Variants in CDH10 observed in about 807,000 individuals in gnomAD.
The protein encoded by CDH10 is cadherin-10.
Under a neutral mutation model 73.1 loss-of-function variants are expected in CDH10, and 30 were observed. The observed-to-expected ratio is 0.41, with a 90% CI of 0.31 to 0.56. CDH10 has a LOEUF of 0.56. Ranked by LOEUF, CDH10 falls within the 20% of genes least tolerant of loss-of-function variation. CDH10 has a pLI of 0.27. For synonymous variants in CDH10, 345 were observed against 348.2 expected (o/e 0.99, Z 0.10); for missense variants, 815 against 973.7 (o/e 0.84, Z 2.17).
chr5:24,529,845 G>A (rs1743666643), intron 5 of CDH10, among the ~76,000 whole-genome samples: 1 of 151,760 alleles, frequency 6.6e-6, no homozygotes, highest in Non-Finnish European at 1.5e-5. Context: ...GTGCAATAAT[G>A]TCTGTGAGTC....
chr5:24,578,824 T>C (rs1666739424), intron 2 of CDH10, among the ~76,000 whole-genome samples: 1 of 152,180 alleles, frequency 6.6e-6, no homozygotes, highest in Non-Finnish European at 1.5e-5. Flanking sequence ...ACTGCCTACC[T>C]GATTTTATGT....
intron 1 of CDH10, among the ~76,000 whole-genome samples, chr5:24,609,554 A>G (rs62349628): frequency 0.076 from 11,594 of 152,252 alleles, 606 homozygotes; most frequent in Middle Eastern, 0.14. Flanking sequence ...AGAATATGTT[A>G]AGACAACCAC....
intron 2 of CDH10, among the ~76,000 whole-genome samples, chr5:24,559,892 T>C (rs1196915961): frequency 6.6e-6 from 1 of 152,168 alleles, no homozygotes; most frequent in Non-Finnish European, 1.5e-5. Flanking sequence ...TGGGTTGCTA[T>C]ATGGCTTTTG....
In CDH10 at chr5:24,511,509, T is replaced by C. The variant is rs377179525; in HGVS notation, c.820A>G (p.Ile274Val). ...DNPPRFPQNT[I>V]HLRVLESSPV... Reference sequence around the variant, plus strand: ...GAGGATTCAAGAACTCGAAGATGAATAGTGTCTGTAAAGTATAAAGAAAAG... The same window carrying C: ...GAGGATTCAAGAACTCGAAGATGAACAGTGTCTGTAAAGTATAAAGAAAAG... The change falls in exon 6 of 12, where the codon ATT (isoleucine) becomes GTT (valine). Residue 274 changes from isoleucine to valine, a missense_variant. By Grantham distance (29) the Ile-to-Val change is conservative. Transcript: ENST00000264463. The C allele has an allele frequency of 6.5e-7, 1 of 1,530,484 alleles. No homozygotes were observed. The highest frequency in any genetic ancestry group is 1.4e-5 in the African/African-American group (1 of 71,258). The allele number at this position is 1,530,484 out of a possible 1,614,324, so 94.8% of individuals were successfully genotyped here. A position where few individuals can be genotyped will look rare whatever the true frequency, so the allele number is the denominator to read the frequency against.
chr5:24,630,746 G>A (rs1747676927), intron 1 of CDH10, among the ~76,000 whole-genome samples: 1 of 151,906 alleles, frequency 6.6e-6, no homozygotes, highest in Non-Finnish European at 1.5e-5. Context: ...TCAATATCAT[G>A]AGGCAAATTA....
intron 2 of CDH10, among the ~76,000 whole-genome samples, chr5:24,540,678 T>C (rs939287101): frequency 6.6e-6 from 1 of 151,920 alleles, no homozygotes; most frequent in East Asian, 1.9e-4. Flanking sequence ...AGTTTGATCC[T>C]AAGACGACAG....
chr5:24,604,541 A>C (rs1004866931), intron 1 of CDH10, among the ~76,000 whole-genome samples: 3 of 152,186 alleles, frequency 2.0e-5, no homozygotes, highest in Admixed American at 2.0e-4. Flanking sequence ...AATTAAAAGC[A>C]AAAGTCTCTT....
chr5:24,577,591 G>C (rs1373636814), intron 2 of CDH10, among the ~76,000 whole-genome samples: 1 of 138,654 alleles, frequency 7.2e-6, no homozygotes, highest in East Asian at 2.3e-4. Context: ...TAAGAATATA[G>C]AATTTATAAG....
chr5:24,529,039 C>T (rs557513156), intron 5 of CDH10, among the ~76,000 whole-genome samples: 6 of 151,992 alleles, frequency 3.9e-5, no homozygotes, highest in Admixed American at 1.3e-4. Context: ...CTATCTCATA[C>T]GGATGATGTA....
At chr5:24,566,501 C>CTA (rs1426229541) in intron 2 of CDH10, among the ~76,000 whole-genome samples, 3 of 152,208 alleles carry the variant, frequency 2.0e-5, no homozygotes, top group Non-Finnish European at 2.9e-5. Context: ...ATTGGCCTAG[C>CTA]TATATATATA....
rs1165271262 is a variant in CDH10, at chr5:24,644,564, AGTTAAAAGAAAGAG to A, written c.-124+16_-124+29del. The A allele has an allele frequency of 6.6e-6, 1 of 150,926 alleles. No homozygotes were observed. The highest frequency in any genetic ancestry group is 1.5e-5 in the Non-Finnish European group (1 of 67,836). 9.3% of individuals were successfully genotyped at this position (150,926 alleles called of 1,614,324 possible). A position where few individuals can be genotyped will look rare whatever the true frequency, so the allele number is the denominator to read the frequency against. On this transcript the variant is annotated intron_variant, in intron 1 of 11. Transcript: ENST00000264463. ...GGAGGAATATATAATACCTTAACGG[AGTTAAAAGAAAGAG>A]GTGAAGTCTTCCTACCTTTTTTATC...
rs147118749 is a variant in CDH10 at position 24,492,048 on chromosome 5, A to T, written c.1625-221T>A. On this transcript the variant is annotated intron_variant, in intron 10 of 11. Transcript: ENST00000264463. ...TGTTCATTTATTAGGTTTTCATGTA[A>T]TTCCTCAGTACTGTTTTCAAAGTGG... Among the ~76,000 whole-genome samples, 215 of 152,324 alleles carry T rather than the reference A, an allele frequency of 1.4e-3. 2 individuals are homozygous for T. Among genetic ancestry groups the T allele is most frequent in the Middle Eastern group, 6.8e-3 (2 of 294 alleles).
intron 1 of CDH10, among the ~76,000 whole-genome samples, chr5:24,637,687 G>A (rs1312107676): frequency 6.6e-6 from 1 of 151,806 alleles, no homozygotes; most frequent in African/African-American, 2.4e-5. Flanking sequence ...ATTAATAACA[G>A]AAGCTGCAAA....
Position 24,511,415 on chromosome 5 carries a change from T to C in CDH10, c.914A>G (p.Glu305Gly), listed in dbSNP as rs1742898599. Residue 305 changes from glutamate to glycine, a missense_variant, in exon 6 of 12, where the codon GAA (glutamate) becomes GGA (glycine). By Grantham distance (98) the Glu-to-Gly change is moderately conservative. Coordinates refer to ENST00000264463, the MANE Select transcript of CDH10 (RefSeq NM_006727.5). ...ACCGTCACCATCAATAATTCGGTAT[T>C]CTACTTCAGCATTTTTCCCAGTGTC... Reference protein sequence around the residue: ...DADTGKNAEVEYRIIDGDGTD... With the variant: ...DADTGKNAEVGYRIIDGDGTD... 1.2e-6 allele frequency: 2 copies of C among 1,611,634 alleles called. No individual in the cohort carries two copies. The highest frequency in any genetic ancestry group is 1.7e-5 in the Admixed American group (1 of 60,016).
rs535077822 is a variant in CDH10, at chr5:24,583,174, T to C, written c.231+10086A>G. On this transcript the variant is annotated intron_variant, in intron 2 of 11. Transcript: ENST00000264463. ...AGAAAAACATCTTTATGTACTGTAA[T>C]GCAGTGAGTCCTAGGTTACATTTTT... Among the ~76,000 whole-genome samples, 4 of 148,604 alleles carry C rather than the reference T, an allele frequency of 2.7e-5. No homozygotes were observed. In the East Asian group the frequency reaches 6.0e-4, roughly 22 times the overall value.
At chr5:24,516,165 T>G (rs778058420) in intron 5 of CDH10, among the ~76,000 whole-genome samples, 1 of 152,184 alleles carries the variant, frequency 6.6e-6, no homozygotes, top group Non-Finnish European at 1.5e-5. Context: ...TTCTTGTCAT[T>G]AGATTAAAGT....
At chr5:24,642,977 C>CAA (rs35064864) in intron 1 of CDH10, among the ~76,000 whole-genome samples, 82,118 of 144,220 alleles carry the variant, frequency 0.57, 24,730 homozygotes, top group East Asian at 0.72. Flanking sequence ...ATAACACAGC[C>CAA]AAAAAAAAAA....
intron 6 of CDH10, 95 bp downstream of exon 6, chr5:24,511,232 A>G: frequency 1.3e-6 from 1 of 755,638 alleles, no homozygotes; most frequent in Non-Finnish European, 2.2e-6. Context: ...AAATTAGAGT[A>G]GTATTTCCCA....
chr5:24,627,183 A>G (rs1470691890), intron 1 of CDH10, among the ~76,000 whole-genome samples: 1 of 152,092 alleles, frequency 6.6e-6, no homozygotes, highest in African/African-American at 2.4e-5. Context: ...AAGTTCACTG[A>G]GGAATTTATG....
Sources: allele counts gnomAD v4.1 joint callset (sites outside exome capture counted in the v4.1 genomes callset), GRCh38; gene constraint gnomAD v4.1.1; transcripts MANE v1.5; gene names NCBI Gene and HGNC (gene_info 2026-07-23, HGNC 2026-07-21).